Variants in MAGI2 observed in about 807,000 individuals in gnomAD.
MAGI2 encodes the protein membrane-associated guanylate kinase, WW and PDZ domain-containing protein 2.
In MAGI2, 35 loss-of-function variants were observed where a neutral mutation model predicts 133.3. That is an observed-to-expected ratio of 0.26 (90% CI 0.20 to 0.35). MAGI2 has a LOEUF of 0.35. Among genes scored for constraint, MAGI2 ranks in the 10% least tolerant of loss-of-function variants. The pLI, the probability that MAGI2 is intolerant of heterozygous loss-of-function variation, is 1.00. For missense variants in MAGI2, 1,636 were observed against 1,863.4 expected (o/e 0.88, Z 2.25); for synonymous variants, 729 against 710.6 (o/e 1.03, Z -0.41).
intron 2 of MAGI2, chr7:78,771,267 A>G (rs1825565729): frequency 6.6e-6 from 1 of 151,926 alleles, no homozygotes; most frequent in African/African-American, 2.4e-5. Context: ...AGTCAGGGGC[A>G]TTTACATCTC....
intron 6 of MAGI2, among the ~76,000 whole-genome samples, chr7:78,401,251 A>C (rs1796834527): frequency 6.6e-6 from 1 of 152,192 alleles, no homozygotes; most frequent in Non-Finnish European, 1.5e-5. Context: ...ATGGAAGGAC[A>C]GAAGGATTCC....
chr7:78,979,205 C>A (rs118129907), intron 2 of MAGI2, among the ~76,000 whole-genome samples: 2,984 of 151,802 alleles, frequency 0.02, 38 homozygotes, highest in Middle Eastern at 0.037. Context: ...ATGAGCATAC[C>A]AAGTGCCCAG....
At chr7:78,038,342 T>G (rs1428620568) in intron 21 of MAGI2, among the ~76,000 whole-genome samples, 3 of 152,232 alleles carry the variant, frequency 2.0e-5, no homozygotes, top group African/African-American at 7.2e-5. Flanking sequence ...TTCACATATA[T>G]GTAACTAGAT....
At chr7:78,570,032 T>A (rs185075352) in intron 3 of MAGI2, among the ~76,000 whole-genome samples, 1 of 152,330 alleles carries the variant, frequency 6.6e-6, no homozygotes, top group Admixed American at 6.5e-5. Flanking sequence ...TGTTTTTAAT[T>A]CTTTTGTCAA....
intron 20 of MAGI2, among the ~76,000 whole-genome samples, chr7:78,086,866 C>A (rs1816699615): frequency 6.6e-6 from 1 of 152,044 alleles, no homozygotes; most frequent in Non-Finnish European, 1.5e-5. Context: ...AGTTACTGAG[C>A]TCAAGTGATC....
At chr7:79,091,782 T>C (rs111985199) in intron 1 of MAGI2, among the ~76,000 whole-genome samples, 1,951 of 152,106 alleles carry the variant, frequency 0.013, 46 homozygotes, top group African/African-American at 0.044. Context: ...ATGGCTATGT[T>C]CCAATAAAAC....
At chr7:78,691,060 C>A (rs2151121874) in intron 2 of MAGI2, among the ~76,000 whole-genome samples, 1 of 152,300 alleles carries the variant, frequency 6.6e-6, no homozygotes, top group African/African-American at 2.4e-5. Context: ...CCTTCCATTT[C>A]TTTTAAATGA....
chr7:78,199,107 G>A (rs1048648589), intron 11 of MAGI2, among the ~76,000 whole-genome samples: 2 of 152,132 alleles, frequency 1.3e-5, no homozygotes, highest in Non-Finnish European at 2.9e-5. Context: ...CACCTATTTA[G>A]AGTTTGTGTT....
At chr7:78,730,234 CCA>C in intron 2 of MAGI2, among the ~76,000 whole-genome samples, 1 of 151,962 alleles carries the variant, frequency 6.6e-6, no homozygotes, top group African/African-American at 2.4e-5. Flanking sequence ...ATTTTTATCC[CCA>C]GAGTTACTAT....
At chr7:78,427,415 A>G (rs1160614708) in intron 6 of MAGI2, among the ~76,000 whole-genome samples, 1 of 152,136 alleles carries the variant, frequency 6.6e-6, no homozygotes, top group African/African-American at 2.4e-5. Flanking sequence ...AGTCATGCAT[A>G]CAGCAAAAGA....
intron 2 of MAGI2, among the ~76,000 whole-genome samples, chr7:78,830,902 C>T (rs1791088316): frequency 6.6e-6 from 1 of 152,120 alleles, no homozygotes; most frequent in Non-Finnish European, 1.5e-5. Context: ...AGCAAAGTCT[C>T]TTGATATATG....
At chr7:78,839,668 G>A (rs1193132230) in intron 2 of MAGI2, among the ~76,000 whole-genome samples, 1 of 152,064 alleles carries the variant, frequency 6.6e-6, no homozygotes, top group Non-Finnish European at 1.5e-5. Context: ...CAGATCTCGT[G>A]AGAACTCACA....
intron 21 of MAGI2, among the ~76,000 whole-genome samples, chr7:78,076,767 A>G (rs1815356236): frequency 7.0e-6 from 1 of 143,136 alleles, no homozygotes; most frequent in Admixed American, 7.2e-5. Context: ...AATGGCGTGA[A>G]CCCGGGAAGC....
chr7:78,361,317 C>A (rs1010171535), intron 7 of MAGI2, among the ~76,000 whole-genome samples: 5 of 149,376 alleles, frequency 3.3e-5, no homozygotes, highest in African/African-American at 1.2e-4. Flanking sequence ...TGCTTGAAAC[C>A]GGGAGGCGGA....
chr7:79,259,809 C>T (rs1202825407), intron 1 of MAGI2, among the ~76,000 whole-genome samples: 1 of 152,120 alleles, frequency 6.6e-6, no homozygotes, highest in Non-Finnish European at 1.5e-5. Context: ...GTGCTATATA[C>T]CAGATTGTAT....
At chr7:78,981,526 C>T (rs1391281264) in intron 2 of MAGI2, among the ~76,000 whole-genome samples, 1 of 151,428 alleles carries the variant, frequency 6.6e-6, no homozygotes, top group Non-Finnish European at 1.5e-5. Context: ...ATTTCCTTTC[C>T]TTAATTAATT....
chr7:78,587,907 A>C (rs1333870680), intron 3 of MAGI2, among the ~76,000 whole-genome samples: 4 of 152,372 alleles, frequency 2.6e-5, no homozygotes, highest in African/African-American at 9.6e-5. Context: ...CAGATGAACA[A>C]AATGGAATTT....
intron 2 of MAGI2, among the ~76,000 whole-genome samples, chr7:78,700,286 A>G (rs1021421139): frequency 2.6e-5 from 4 of 152,166 alleles, no homozygotes; most frequent in Admixed American, 2.0e-4. Flanking sequence ...GTGTTTGCCC[A>G]TTGGAATTGT....
At chr7:79,041,800 GT>G (rs755640831) in intron 1 of MAGI2, among the ~76,000 whole-genome samples, 24 of 152,072 alleles carry the variant, frequency 1.6e-4, no homozygotes, top group African/African-American at 4.8e-5. Context: ...TTAAATATGT[GT>G]ATATATAACA....
Sources: allele counts gnomAD v4.1 joint callset (sites outside exome capture counted in the v4.1 genomes callset), GRCh38; gene constraint gnomAD v4.1.1; transcripts MANE v1.5; gene names NCBI Gene and HGNC (gene_info 2026-07-23, HGNC 2026-07-21).